TECTA: variants seen among roughly 807,000 people sequenced by gnomAD.
TECTA encodes tectorin alpha, also known as alpha-tectorin.
TECTA carries 128 observed loss-of-function variants against 216.8 expected under a neutral mutation model. That is an observed-to-expected ratio of 0.59 (90% CI 0.51 to 0.68). The LOEUF (loss-of-function observed/expected upper bound fraction) is 0.68. TECTA is among the 30% of genes least tolerant of loss of function. The pLI, the probability that TECTA is intolerant of heterozygous loss-of-function variation, is 0.00. For missense variants in TECTA, 2,551 were observed against 2,786.2 expected, an observed-to-expected ratio of 0.92 and a Z score of 1.90; for synonymous variants, 1,089 against 1,117.1, an observed-to-expected ratio of 0.97 and a Z score of 0.50.
chr11:121,161,994 G>C, intron 15 of TECTA, 81 bp from the exon 16 acceptor site: 1 of 1,586,738 alleles, frequency 6.3e-7, no homozygotes, highest in Non-Finnish European at 8.6e-7. Flanking sequence ...TAGCTTCAGG[G>C]GTAGCAAAAC....
At chr11:121,184,127 A>G (rs1323101910) in intron 20 of TECTA, among the ~76,000 whole-genome samples, 1 of 152,226 alleles carries the variant, frequency 6.6e-6, no homozygotes, top group Non-Finnish European at 1.5e-5. Context: ...TGTATTAATC[A>G]CAATTCTAAG....
At chr11:121,138,075 G>A in intron 11 of TECTA, 53 bp downstream of exon 11, 1 of 1,609,976 alleles carries the variant, frequency 6.2e-7, no homozygotes. Context: ...CGTCAGGATG[G>A]GGTCGGCAAG....
In TECTA at chr11:121,158,112, A is replaced by G; in HGVS notation, c.4577A>G (p.Gln1526Arg). 6 of 1,614,220 alleles carry G rather than the reference A, an allele frequency of 3.7e-6. No individual in the cohort carries two copies. Among genetic ancestry groups the G allele is most frequent in the Non-Finnish European group, 5.1e-6 (6 of 1,180,040 alleles). The change falls in exon 14 of 24, where the codon CAG (glutamine) becomes CGG (arginine). Residue 1526 changes from glutamine to arginine, a missense_variant. Gln to Arg is a conservative substitution (Grantham distance 43). Coordinates refer to ENST00000392793, the MANE Select transcript of TECTA (RefSeq NM_005422.4). ...CAGAAACTGCCCGACATCTCCTTCC[A>G]GCTTATCATCAACTTCGACAAGTGG... ...ICQKLPDISF[Q>R]LIINFDKWSA... is the part of the protein sequence containing the mutation.
chr11:121,190,736 G>A lies in TECTA; in HGVS notation c.6398G>A (p.Trp2133Ter). ...ASNSSMELQV[W>*]TLLLIMIQIS... The stretch of plus-strand genomic sequence containing the variant: ...AATTCTTCAATGGAACTTCAAGTCT[G>A]GACGCTTCTTCTCATCATGATCCAG... The change falls in exon 24 of 24, where the codon TGG becomes TAG. Residue 2133 changes from tryptophan (W) to a stop codon, truncating the protein, a stop_gained. Coordinates refer to ENST00000392793, the MANE Select transcript of TECTA (RefSeq NM_005422.4). LOFTEE classifies it high-confidence loss of function. 6.2e-7 allele frequency: 1 copy of A among 1,613,784 alleles called. No homozygotes were observed. Among genetic ancestry groups the A allele is most frequent in the Non-Finnish European group, 8.5e-7 (1 of 1,179,836 alleles).
chr11:121,107,039 G>T (rs1039815342), intron 3 of TECTA, among the ~76,000 whole-genome samples: 3 of 152,210 alleles, frequency 2.0e-5, no homozygotes, highest in South Asian at 2.1e-4. Flanking sequence ...GTCATCACCA[G>T]CTTCCTCTGC....
At chr11:121,175,583 A>G (rs1352029717) in intron 20 of TECTA, among the ~76,000 whole-genome samples, 1 of 152,108 alleles carries the variant, frequency 6.6e-6, no homozygotes, top group African/African-American at 2.4e-5. Context: ...CTGTTCTTTT[A>G]CATTTGCTGA....
Position 121,158,032 on chromosome 11 carries a change from C to A in TECTA, c.4497C>A (p.Asp1499Glu), listed in dbSNP as rs760726137. 2 of 1,613,088 alleles carry A rather than the reference C, an allele frequency of 1.2e-6. No individual in the cohort carries two copies. Among genetic ancestry groups the A allele is most frequent in the South Asian group, 2.2e-5 (2 of 91,082 alleles). The change falls in exon 14 of 24, where the codon GAC (aspartate) becomes GAA (glutamate). Residue 1499 changes from aspartate (D) to glutamate (E), a missense_variant. Coordinates refer to ENST00000392793, the MANE Select transcript of TECTA (RefSeq NM_005422.4). ...GCGGCGGCGTCTTCCGCACCTTCGA[C>A]GGCGCCTTCCTGCGCTTCCCAGCCA... Reference protein sequence around the residue: ...AAGGGVFRTFDGAFLRFPANC... With the variant: ...AAGGGVFRTFEGAFLRFPANC...
chr11:121,165,262 T>C lies in TECTA; in HGVS notation c.5273-11T>C, dbSNP rs1473573795. ...GAAGTTGTGCATGTTTCTGTGTGTT[T>C]TTCTTTTTAGCAGGAGTGGTTGAAG... On this transcript the variant is annotated splice_polypyrimidine_tract_variant and intron_variant, in intron 16 of 23. Transcript: ENST00000392793. 2.5e-6 allele frequency: 4 copies of C among 1,589,474 alleles called. No individual in the cohort carries two copies. Among genetic ancestry groups the C allele is most frequent in the Non-Finnish European group, 3.4e-6 (4 of 1,166,998 alleles).
chr11:121,112,706 C>G (rs1157749778), intron 4 of TECTA, among the ~76,000 whole-genome samples: 1 of 152,104 alleles, frequency 6.6e-6, no homozygotes, highest in Non-Finnish European at 1.5e-5. Context: ...GCATCCTGGT[C>G]CCCGGCCGAG....
intron 20 of TECTA, among the ~76,000 whole-genome samples, chr11:121,182,940 G>T (rs1265985821): frequency 6.6e-6 from 1 of 152,210 alleles, no homozygotes; most frequent in East Asian, 1.9e-4. Flanking sequence ...GGTGTATATG[G>T]GTGTCTGGTG....
At chr11:121,132,325 T>C (rs921788124) in intron 10 of TECTA, among the ~76,000 whole-genome samples, 31 of 152,136 alleles carry the variant, frequency 2.0e-4, no homozygotes, top group African/African-American at 7.2e-4. Flanking sequence ...CCAGTGGGAG[T>C]CCCCTCCAGC....
At chr11:121,132,186 C>A (rs1305968823) in intron 10 of TECTA, among the ~76,000 whole-genome samples, 1 of 152,124 alleles carries the variant, frequency 6.6e-6, no homozygotes, top group East Asian at 1.9e-4. Flanking sequence ...AGTTGGCATT[C>A]TACTGTAAAG....
chr11:121,142,536 A>G (rs1422837662), intron 11 of TECTA, among the ~76,000 whole-genome samples: 1 of 152,216 alleles, frequency 6.6e-6, no homozygotes, highest in Non-Finnish European at 1.5e-5. Flanking sequence ...TCATCCAATT[A>G]TATTGCCTCC....
chr11:121,126,863 T>C (rs761521052), intron 8 of TECTA, among the ~76,000 whole-genome samples: 7 of 152,240 alleles, frequency 4.6e-5, no homozygotes, highest in Non-Finnish European at 8.8e-5. Context: ...AGATTGAATA[T>C]GGCTTCTCTT....
Position 121,129,922 on chromosome 11 carries a change from C to A in TECTA, c.2652C>A (p.Ile884=), listed in dbSNP as rs1946655211. The change falls in exon 10 of 24, where the codon ATC becomes ATA. Residue 884 remains isoleucine, a synonymous_variant. Transcript: ENST00000392793. The part of the protein sequence containing the change: ...FLESWTTFEE[I]CNGECGDLLK... ...AAAGCTGGACAACTTTCGAGGAGAT[C>A]TGCAATGGAGAGTGTGGGGACCTGC... The A allele has an allele frequency of 6.2e-7, 1 of 1,613,512 alleles. No individual in the cohort carries two copies. Among genetic ancestry groups the A allele is most frequent in the Non-Finnish European group, 8.5e-7 (1 of 1,179,604 alleles).
intron 20 of TECTA, among the ~76,000 whole-genome samples, chr11:121,170,915 G>A (rs1947105339): frequency 6.6e-6 from 1 of 152,124 alleles, no homozygotes; most frequent in Non-Finnish European, 1.5e-5. Flanking sequence ...TCTTTGCTGT[G>A]TAGAGACTTT....
Position 121,137,899 on chromosome 11 carries a change from G to A in TECTA, c.3420G>A (p.Lys1140=). 1 of 1,602,380 alleles carries A rather than the reference G, an allele frequency of 6.2e-7. No homozygotes were observed. The highest frequency in any genetic ancestry group is 1.1e-5 in the South Asian group (1 of 90,592). ...GGCCAAGCTCAGACTCTTTCCCCAA[G>A]TTTGTTGTCACAGCCAAGAATGAGG... ...GSRPSSDSFP[K]FVVTAKNEDR... is the part of the protein sequence containing the mutation. The change falls in exon 11 of 24, where the codon AAG becomes AAA. Residue 1140 remains lysine, a synonymous_variant. Transcript: ENST00000392793.
At chr11:121,188,965 A>G (rs1403909531) in intron 21 of TECTA, 115 bp from the exon 22 acceptor site, 3 of 974,946 alleles carry the variant, frequency 3.1e-6, no homozygotes, top group African/African-American at 1.6e-5. Flanking sequence ...AATTAATCTG[A>G]GCCTCCATAA....
chr11:121,159,993 A>G lies in TECTA; in HGVS notation c.4690-142A>G, dbSNP rs1946981610. The G allele has an allele frequency of 4.5e-6, 4 of 880,128 alleles. No homozygotes were observed. In the African/African-American group the frequency reaches 5.0e-5, roughly 11 times the overall value. 54.5% of individuals were successfully genotyped at this position (880,128 alleles called of 1,614,324 possible). A position where few individuals can be genotyped will look rare whatever the true frequency, so the allele number is the denominator to read the frequency against. ...TTGTATATTGTCTATGCCTGCTGTC[A>G]TGCTGCAGGGACAGAATGGAGTCGT... is the stretch of plus-strand genomic sequence containing the variant. On this transcript the variant is annotated intron_variant, in intron 14 of 23. Coordinates refer to ENST00000392793, the MANE Select transcript of TECTA (RefSeq NM_005422.4).
Sources: allele counts gnomAD v4.1 joint callset (sites outside exome capture counted in the v4.1 genomes callset), GRCh38; gene constraint gnomAD v4.1.1; transcripts MANE v1.5; gene names NCBI Gene and HGNC (gene_info 2026-07-23, HGNC 2026-07-21).